The following DENND5A variants were observed in gnomAD, a reference collection of about 807,000 sequenced individuals.
DENND5A encodes DENN domain-containing protein 5A.
A neutral mutation model predicts 140.3 loss-of-function variants in DENND5A; 64 were observed. That is an observed-to-expected ratio of 0.46 (90% CI 0.37 to 0.56). The LOEUF is 0.56. Among genes scored for constraint, DENND5A ranks in the 20% least tolerant of loss-of-function variants. The pLI is 0.00. For synonymous variants in DENND5A, 605 were observed against 607.7 expected (o/e 1.00, Z 0.07); for missense variants, 1,292 against 1,593.8 (o/e 0.81, Z 3.22).
intron 4 of DENND5A, among the ~76,000 whole-genome samples, chr11:9,201,806 T>TA (rs933498586): frequency 1.1e-4 from 17 of 147,846 alleles, no homozygotes; most frequent in South Asian, 6.4e-4. Context: ...AAATAAAAAC[T>TA]AAAAAAAAAA....
At position 9,143,490 on chromosome 11, in the gene DENND5A, T is replaced by C. The variant is rs1847317386; in HGVS notation, c.3305-5A>G. On this transcript the variant is annotated splice_region_variant and splice_polypyrimidine_tract_variant and intron_variant, in intron 19 of 22. Transcript: ENST00000328194. The stretch of plus-strand genomic sequence containing the variant: ...GGATCTGCCCAGTGTTCAGCTCTAA[T>C]AAAAATCAAGCAGACATCCCTAACC... The C allele has an allele frequency of 6.2e-7, 1 of 1,613,168 alleles. No homozygotes were observed. Among genetic ancestry groups the C allele is most frequent in the Non-Finnish European group, 8.5e-7 (1 of 1,179,312 alleles).
intron 10 of DENND5A, among the ~76,000 whole-genome samples, chr11:9,167,832 C>T (rs1848241284): frequency 1.3e-5 from 2 of 151,990 alleles, no homozygotes; most frequent in South Asian, 4.1e-4. Context: ...TCTAACAATC[C>T]CATCATTCTC....
intron 15 of DENND5A, among the ~76,000 whole-genome samples, chr11:9,149,842 C>T (rs1847553753): frequency 1.3e-5 from 2 of 152,224 alleles, no homozygotes; most frequent in South Asian, 4.1e-4. Context: ...CCCACTACCT[C>T]TCCAAGAAAG....
intron 1 of DENND5A, among the ~76,000 whole-genome samples, chr11:9,247,135 C>G (rs1182507896): frequency 6.6e-6 from 1 of 151,346 alleles, no homozygotes; most frequent in East Asian, 1.9e-4. Context: ...GAGGCTGAAG[C>G]AGGAGAACGG....
At chr11:9,181,211 T>C (rs1848720057) in intron 5 of DENND5A, 127 bp from the exon 6 acceptor site, 2 of 753,952 alleles carry the variant, frequency 2.7e-6, no homozygotes, top group Non-Finnish European at 4.3e-6. Context: ...AGATATGGTA[T>C]AAGGAAGATA....
chr11:9,225,844 G>A (rs745426208), intron 1 of DENND5A, among the ~76,000 whole-genome samples: 29 of 152,208 alleles, frequency 1.9e-4, no homozygotes, highest in Non-Finnish European at 3.7e-4. Context: ...CAGCACTTTG[G>A]GAGGCCAAGT....
chr11:9,225,083 C>T (rs751871302), intron 1 of DENND5A, among the ~76,000 whole-genome samples: 1 of 152,118 alleles, frequency 6.6e-6, no homozygotes, highest in Non-Finnish European at 1.5e-5. Context: ...CTTAATAACA[C>T]AATTTAAAAC....
Position 9,170,625 on chromosome 11 carries a change from A to C in DENND5A, c.2057+2T>G. Reference sequence around the variant, plus strand: ...ATTAGTGAATCCCTGGGGTTGACTCACTTGTTGCTGGCTGGCCCAGTGGAA... The same window carrying C: ...ATTAGTGAATCCCTGGGGTTGACTCCCTTGTTGCTGGCTGGCCCAGTGGAA... On this transcript the variant is annotated splice_donor_variant, in intron 9 of 22. Transcript: ENST00000328194. LOFTEE classifies it high-confidence loss of function. 6.2e-7 allele frequency: 1 copy of C among 1,613,912 alleles called. No individual in the cohort carries two copies. The highest frequency in any genetic ancestry group is 8.5e-7 in the Non-Finnish European group (1 of 1,179,974).
chr11:9,164,910 A>G (rs1848133572), intron 11 of DENND5A, among the ~76,000 whole-genome samples: 2 of 152,226 alleles, frequency 1.3e-5, no homozygotes, highest in African/African-American at 4.8e-5. Context: ...GGTTCACTTA[A>G]GCCCAGGACT....
chr11:9,204,763 C>T (rs1333640647), intron 3 of DENND5A, among the ~76,000 whole-genome samples: 2 of 152,150 alleles, frequency 1.3e-5, no homozygotes, highest in Non-Finnish European at 2.9e-5. Context: ...CTGGGGAGGC[C>T]GAGGCATAAG....
At chr11:9,179,965 T>C (rs1200084485) in intron 6 of DENND5A, among the ~76,000 whole-genome samples, 4 of 152,286 alleles carry the variant, frequency 2.6e-5, no homozygotes, top group African/African-American at 7.2e-5. Context: ...CATTGGCCCA[T>C]TGGTTTATAA....
intron 22 of DENND5A, among the ~76,000 whole-genome samples, 153 bp downstream of exon 22, chr11:9,141,787 A>G (rs1847249843): frequency 6.6e-6 from 1 of 152,192 alleles, no homozygotes; most frequent in Non-Finnish European, 1.5e-5. Flanking sequence ...TACACGATAC[A>G]CAGAGGAAAT....
chr11:9,214,052 T>C (rs1214388743), intron 1 of DENND5A, among the ~76,000 whole-genome samples: 2 of 152,192 alleles, frequency 1.3e-5, no homozygotes, highest in African/African-American at 4.8e-5. Context: ...AAATTGATAC[T>C]ACTGGTGACC....
intron 1 of DENND5A, among the ~76,000 whole-genome samples, chr11:9,226,927 G>GGGA (rs997693068): frequency 6.6e-6 from 1 of 152,124 alleles, no homozygotes; most frequent in African/African-American, 2.4e-5. Flanking sequence ...CCAGCACTTT[G>GGGA]GGAGGCCAAG....
intron 1 of DENND5A, among the ~76,000 whole-genome samples, chr11:9,236,747 A>T (rs1374935442): frequency 6.6e-6 from 1 of 151,376 alleles, no homozygotes; most frequent in Non-Finnish European, 1.5e-5. Context: ...GATGAAAAGG[A>T]AGAGAGAGTG....
At chr11:9,176,908 A>G (rs1460507069) in intron 8 of DENND5A, 1 of 456,202 alleles carries the variant, frequency 2.2e-6, no homozygotes, top group Admixed American at 2.3e-5. Context: ...TTGGCCTATG[A>G]GACAATGAAA....
intron 1 of DENND5A, among the ~76,000 whole-genome samples, chr11:9,244,829 C>A (rs551631336): frequency 2.6e-4 from 40 of 152,244 alleles, no homozygotes; most frequent in Non-Finnish European, 4.7e-4. Context: ...CACACGCAAC[C>A]CAGAAAGCTA....
At chr11:9,202,398 G>C (rs983645325) in intron 4 of DENND5A, among the ~76,000 whole-genome samples, 3 of 152,102 alleles carry the variant, frequency 2.0e-5, no homozygotes, top group African/African-American at 7.2e-5. Flanking sequence ...AAACACATGA[G>C]AATTTAGGAG....
At chr11:9,258,260 T>C (rs1852036191) in intron 1 of DENND5A, among the ~76,000 whole-genome samples, 1 of 152,148 alleles carries the variant, frequency 6.6e-6, no homozygotes, top group Non-Finnish European at 1.5e-5. Flanking sequence ...TTTCTCCTAA[T>C]GTTATCCCTC....
Sources: allele counts gnomAD v4.1 joint callset (sites outside exome capture counted in the v4.1 genomes callset), GRCh38; gene constraint gnomAD v4.1.1; transcripts MANE v1.5; gene names NCBI Gene and HGNC (gene_info 2026-07-23, HGNC 2026-07-21).